Variants in ARID4B observed in about 807,000 individuals in gnomAD.
ARID4B encodes AT-rich interactive domain-containing protein 4B.
ARID4B carries 26 observed loss-of-function variants against 147.5 expected under a neutral mutation model. The observed-to-expected ratio is 0.18, with a 90% CI of 0.13 to 0.24. The LOEUF (loss-of-function observed/expected upper bound fraction) is 0.24, where lower values mean the gene tolerates loss of function less well. ARID4B is among the 10% of genes least tolerant of loss of function. The pLI, the probability that ARID4B is intolerant of heterozygous loss-of-function variation, is 1.00. For missense variants in ARID4B, 1,179 were observed against 1,511.5 expected, an observed-to-expected ratio of 0.78 and a Z score of 3.65; for synonymous variants, 512 against 507.9, an observed-to-expected ratio of 1.01 and a Z score of -0.11.
chr1:235,221,742 A>G (rs1667476695), intron 13 of ARID4B, 80 bp from the exon 14 acceptor site: 1 of 606,006 alleles, frequency 1.7e-6, no homozygotes, highest in South Asian at 3.1e-5. Context: ...AGTATATATG[A>G]GTATATTTTT....
chr1:235,287,123 G>A (rs1382177011), intron 2 of ARID4B, among the ~76,000 whole-genome samples: 1 of 152,194 alleles, frequency 6.6e-6, no homozygotes, highest in African/African-American at 2.4e-5. Context: ...GCCGGGCGTG[G>A]TGGCAGGTGC....
chr1:235,271,270 G>C (rs564435896), intron 2 of ARID4B, among the ~76,000 whole-genome samples: 46 of 152,026 alleles, frequency 3.0e-4, no homozygotes, highest in African/African-American at 1.0e-3. Flanking sequence ...TGGGAGAACT[G>C]CTTGAGCCCA....
In ARID4B at chr1:235,186,417, T is replaced by TC. The variant is rs201812401; in HGVS notation, c.2126-3625_2126-3624insG. Among the ~76,000 whole-genome samples the TC allele has an allele frequency of 9.0e-3, 1,367 of 152,222 alleles. 22 individuals are homozygous for TC. The highest frequency in any genetic ancestry group is 0.032 in the African/African-American group (1,317 of 41,508). On this transcript the variant is annotated intron_variant, in intron 19 of 23. Coordinates refer to ENST00000264183, the MANE Select transcript of ARID4B (RefSeq NM_016374.6). ...TGCTCTACTGAATTTGCTTATTTTT[T>TC]TTTTTTTTTAAGAGACAGAGTCTCG...
chr1:235,307,278 T>C (rs1178996269), intron 2 of ARID4B, among the ~76,000 whole-genome samples: 3 of 151,974 alleles, frequency 2.0e-5, no homozygotes, highest in Non-Finnish European at 2.9e-5. Context: ...GCCACAGCAC[T>C]ACAAAAAAAT....
At position 235,168,164 on chromosome 1, in the gene ARID4B, A is replaced by G. The variant is rs371878627; in HGVS notation, c.*361T>C. 2 of 224,498 alleles carry G rather than the reference A, an allele frequency of 8.9e-6. No homozygotes were observed. The highest frequency in any genetic ancestry group is 4.5e-5 in the African/African-American group (2 of 44,816). The allele number at this position is 224,498 out of a possible 1,614,324, so 13.9% of individuals were successfully genotyped here. A position where few individuals can be genotyped will look rare whatever the true frequency, so the allele number is the denominator to read the frequency against. On this transcript the variant is annotated 3_prime_UTR_variant, in exon 24 of 24. Coordinates refer to ENST00000264183, the MANE Select transcript of ARID4B (RefSeq NM_016374.6). ...ATATCAAATGTTCCAGCTTTAACAA[A>G]ATACAAGGGAATACATATACAGTAA... is the stretch of plus-strand genomic sequence containing the variant.
chr1:235,236,964 C>G lies in ARID4B; in HGVS notation c.586-2472G>C, dbSNP rs1447762981. On this transcript the variant is annotated intron_variant, in intron 8 of 23. Coordinates refer to ENST00000264183, the MANE Select transcript of ARID4B (RefSeq NM_016374.6). The stretch of plus-strand genomic sequence containing the variant: ...CTCAGATCACTGCAGCCTCCGCCTC[C>G]CAGGTTCAAGCGATTCTCCTGCCTC... Among the ~76,000 whole-genome samples the G allele has an allele frequency of 5.0e-5, 7 of 140,512 alleles. No individual in the cohort carries two copies. In the Admixed American group the frequency reaches 5.2e-4, roughly 10 times the overall value. The allele number at this position is 140,512 out of a possible 152,430, so 92.2% of individuals were successfully genotyped here.
chr1:235,215,109 T>G (rs1190583059), intron 16 of ARID4B, among the ~76,000 whole-genome samples: 1 of 152,108 alleles, frequency 6.6e-6, no homozygotes, highest in East Asian at 1.9e-4. Context: ...CCTCCCAAAG[T>G]GCTGGGATTA....
chr1:235,255,219 C>CTATATAGATAGA (rs370660682), intron 5 of ARID4B, among the ~76,000 whole-genome samples: 189 of 127,630 alleles, frequency 1.5e-3, no homozygotes, highest in Non-Finnish European at 2.2e-3. Flanking sequence ...CTGCTGGGAG[C>CTATATAGATAGA]TAGATAGATA....
chr1:235,325,139 C>T (rs894643772), intron 2 of ARID4B, among the ~76,000 whole-genome samples: 1 of 152,034 alleles, frequency 6.6e-6, no homozygotes, highest in Non-Finnish European at 1.5e-5. Flanking sequence ...ATTTGCTATA[C>T]TTATAATAAC....
At chr1:235,282,915 G>A (rs1307732544) in intron 2 of ARID4B, among the ~76,000 whole-genome samples, 1 of 152,100 alleles carries the variant, frequency 6.6e-6, no homozygotes, top group African/African-American at 2.4e-5. Context: ...CGAGTAGTTG[G>A]GACTACAGGC....
intron 11 of ARID4B, among the ~76,000 whole-genome samples, chr1:235,228,056 G>A (rs1363001173): frequency 1.3e-5 from 2 of 151,590 alleles, no homozygotes; most frequent in African/African-American, 2.4e-5. Flanking sequence ...AGCTGGCCTC[G>A]AACTCCTGAT....
chr1:235,176,837 G>C (rs1338721445), intron 21 of ARID4B: 1 of 470,772 alleles, frequency 2.1e-6, no homozygotes, highest in African/African-American at 2.0e-5. Context: ...CCGGCTGCTA[G>C]CAAAGGTCAG....
At chr1:235,298,403 A>G (rs924572468) in intron 2 of ARID4B, among the ~76,000 whole-genome samples, 2 of 151,670 alleles carry the variant, frequency 1.3e-5, no homozygotes, top group African/African-American at 4.8e-5. Flanking sequence ...AAATTAGAAA[A>G]TGTTATGTTT....
At chr1:235,268,905 G>T (rs1181986022) in intron 2 of ARID4B, among the ~76,000 whole-genome samples, 1 of 152,196 alleles carries the variant, frequency 6.6e-6, no homozygotes, top group African/African-American at 2.4e-5. Context: ...TAAAGAAATG[G>T]TGCGATTAAT....
chr1:235,195,022 G>A lies in ARID4B; in HGVS notation c.1927-811C>T, dbSNP rs556428936. ...GTTTACAAATAGATAAGCAAAGGCC[G>A]ATATATTTCCTGGAAACTACTCTTA... On this transcript the variant is annotated intron_variant, in intron 18 of 23. Coordinates refer to ENST00000264183, the MANE Select transcript of ARID4B (RefSeq NM_016374.6). 4.6e-5 allele frequency among the ~76,000 whole-genome samples: 7 copies of A among 152,114 alleles called. No individual in the cohort carries two copies. The South Asian group carries it at 6.2e-4, about 14-fold the overall frequency.
chr1:235,210,679 A>C (rs1226203728), intron 17 of ARID4B, among the ~76,000 whole-genome samples: 8 of 152,168 alleles, frequency 5.3e-5, no homozygotes, highest in African/African-American at 1.9e-4. Flanking sequence ...CTTCATCAAG[A>C]TGTTAAGTTT....
At chr1:235,317,052 G>A (rs1037370771) in intron 2 of ARID4B, among the ~76,000 whole-genome samples, 2 of 152,088 alleles carry the variant, frequency 1.3e-5, no homozygotes, top group Admixed American at 1.3e-4. Context: ...AGCATTTCAG[G>A]TAAGTGATAC....
chr1:235,234,218 G>C (rs967003659), intron 9 of ARID4B, among the ~76,000 whole-genome samples, 195 bp downstream of exon 9: 2 of 152,148 alleles, frequency 1.3e-5, no homozygotes, highest in African/African-American at 4.8e-5. Flanking sequence ...ACCAAAATTA[G>C]TAAGGAAAAA....
At position 235,181,677 on chromosome 1, in the gene ARID4B, A is replaced by G. The variant is rs1313621784; in HGVS notation, c.3242T>C (p.Leu1081Pro). The part of the protein sequence containing the change: ...VDSVAGELQD[L>P]QSEGNSSPAG... ...TGGCGAGCTATTCCCTTCAGACTGG[A>G]GGTCTTGGAGCTCCCCAGCAACACT... is the stretch of plus-strand genomic sequence containing the variant. Residue 1081 changes from leucine to proline, a missense_variant, in exon 20 of 24, where the codon CTC becomes CCC. Leu to Pro is a moderately conservative substitution (Grantham distance 98). Transcript: ENST00000264183. The G allele has an allele frequency of 6.2e-7, 1 of 1,613,962 alleles. No homozygotes were observed. Among genetic ancestry groups the G allele is most frequent in the South Asian group, 1.1e-5 (1 of 91,082 alleles).
Sources: allele counts gnomAD v4.1 joint callset (sites outside exome capture counted in the v4.1 genomes callset), GRCh38; gene constraint gnomAD v4.1.1; transcripts MANE v1.5; gene names NCBI Gene and HGNC (gene_info 2026-07-23, HGNC 2026-07-21).